ANK3: variants seen among roughly 807,000 people sequenced by gnomAD.
ANK3 encodes ankyrin 3.
A neutral mutation model predicts 370.9 loss-of-function variants in ANK3; 57 were observed. The observed-to-expected ratio is 0.15, with a 90% CI of 0.12 to 0.19. The LOEUF is 0.19. ANK3 is among the 10% of genes least tolerant of loss of function. The pLI is 1.00. For synonymous variants in ANK3, 1,929 were observed against 1,946.3 expected, an observed-to-expected ratio of 0.99 and a Z score of 0.23; for missense variants, 4,439 against 5,302.1, an observed-to-expected ratio of 0.84 and a Z score of 5.06.
chr10:60,198,699 G>A (rs147833323), intron 13 of ANK3, among the ~76,000 whole-genome samples, 162 bp from the exon 14 acceptor site: 1 of 152,306 alleles, frequency 6.6e-6, no homozygotes, highest in East Asian at 1.9e-4. Context: ...GCTCAGAAAT[G>A]AGGAGATGGT....
chr10:60,566,419 C>G (rs2077462302), intron 2 of ANK3, among the ~76,000 whole-genome samples: 2 of 152,196 alleles, frequency 1.3e-5, no homozygotes, highest in South Asian at 4.2e-4. Flanking sequence ...TGAGACAGAC[C>G]AAAAACTAGG....
intron 2 of ANK3, among the ~76,000 whole-genome samples, chr10:60,465,542 T>C (rs2064990134): frequency 6.6e-6 from 1 of 152,162 alleles, no homozygotes; most frequent in African/African-American, 2.4e-5. Flanking sequence ...GACATTCCTC[T>C]TGAAGAGTTT....
chr10:60,405,045 AAAC>A lies in ANK3; in HGVS notation c.97-125409_97-125407del, dbSNP rs1192272631. On this transcript the variant is annotated intron_variant, in intron 2 of 43. Transcript: ENST00000373827. Reference sequence around the variant, plus strand: ...AACACCAAATGTTGGCAAGGATGTAAAACAACCAGAACTCTAATACGTTGTGAG... The same window carrying A: ...AACACCAAATGTTGGCAAGGATGTAAAACCAGAACTCTAATACGTTGTGAG... Among the ~76,000 whole-genome samples, 3 of 152,298 alleles carry A rather than the reference AAAC, an allele frequency of 2.0e-5. No homozygotes were observed. In the East Asian group the frequency reaches 5.8e-4, roughly 29 times the overall value.
intron 2 of ANK3, among the ~76,000 whole-genome samples, chr10:60,574,349 C>G (rs1433241809): frequency 3.9e-5 from 6 of 152,128 alleles, no homozygotes; most frequent in Non-Finnish European, 7.3e-5. Flanking sequence ...GAGCTAATTT[C>G]TATTTGAGGT....
intron 2 of ANK3, chr10:60,507,957 GT>G (rs2075982860): frequency 6.6e-6 from 1 of 151,996 alleles, no homozygotes; most frequent in Non-Finnish European, 1.5e-5. Context: ...AGTAAATACA[GT>G]CTTCAAATAT....
chr10:60,727,195 C>G (rs1343431185), intron 1 of ANK3, among the ~76,000 whole-genome samples: 6 of 152,144 alleles, frequency 3.9e-5, no homozygotes, highest in African/African-American at 4.8e-5. Context: ...TTATTTGTCA[C>G]AGTCAAAAGT....
chr10:60,127,676 T>C (rs926743697), intron 25 of ANK3, among the ~76,000 whole-genome samples: 2 of 150,878 alleles, frequency 1.3e-5, no homozygotes, highest in African/African-American at 4.9e-5. Flanking sequence ...ATGCCTTCCA[T>C]GCCATAATTT....
At chr10:60,403,553 CTG>C (rs2063393962) in intron 2 of ANK3, among the ~76,000 whole-genome samples, 1 of 152,186 alleles carries the variant, frequency 6.6e-6, no homozygotes, top group Admixed American at 6.5e-5. Context: ...TCCTCTAAGA[CTG>C]ACAAAAGTAT....
chr10:60,476,353 G>T (rs948960187), intron 2 of ANK3, among the ~76,000 whole-genome samples: 2 of 152,024 alleles, frequency 1.3e-5, no homozygotes, highest in African/African-American at 4.8e-5. Context: ...TTGTATAGAG[G>T]ATAAACAATA....
At position 60,581,196 on chromosome 10, in the gene ANK3, C is replaced by T. The variant is rs551412978; in HGVS notation, c.96+33990G>A. ...GGACATTGTCCTACACTAAAAGTGT[C>T]ATTCTGTCTAAAAACTGAAGCCCCA... On this transcript the variant is annotated intron_variant, in intron 2 of 43. Transcript: ENST00000373827. 2.6e-5 allele frequency among the ~76,000 whole-genome samples: 4 copies of T among 152,262 alleles called. No homozygotes were observed. The South Asian group carries it at 8.3e-4, about 32-fold the overall frequency.
chr10:60,237,367 T>A (rs1214194182), intron 7 of ANK3, among the ~76,000 whole-genome samples: 1 of 152,160 alleles, frequency 6.6e-6, no homozygotes, highest in Non-Finnish European at 1.5e-5. Flanking sequence ...AAGTGGGACG[T>A]GACACGAAGA....
chr10:60,690,516 T>C (rs1486777574), intron 1 of ANK3, among the ~76,000 whole-genome samples: 2 of 152,146 alleles, frequency 1.3e-5, no homozygotes, highest in African/African-American at 4.8e-5. Context: ...TTCCCTAAGT[T>C]TTAGAAAACT....
intron 8 of ANK3, among the ~76,000 whole-genome samples, chr10:60,220,394 G>T (rs1465710521): frequency 1.3e-5 from 2 of 152,140 alleles, no homozygotes. Context: ...GGTCATGATG[G>T]GTAAGGGAAG....
chr10:60,395,642 CT>C, intron 2 of ANK3, among the ~76,000 whole-genome samples: 1 of 146,180 alleles, frequency 6.8e-6, no homozygotes, highest in African/African-American at 2.7e-5. Flanking sequence ...CTCTCTCTCT[CT>C]CTCTCTCTTT....
At chr10:60,278,209 T>C (rs2098117121) in intron 4 of ANK3, among the ~76,000 whole-genome samples, 1 of 152,166 alleles carries the variant, frequency 6.6e-6, no homozygotes, top group South Asian at 2.1e-4. Context: ...TTTAAAAAGA[T>C]TGAACCTAAG....
intron 2 of ANK3, among the ~76,000 whole-genome samples, chr10:60,582,774 G>T (rs757087833): frequency 2.6e-5 from 4 of 151,748 alleles, no homozygotes; most frequent in Non-Finnish European, 4.4e-5. Context: ...TTGTCTTTTT[G>T]TCTGTTGACT....
intron 1 of ANK3, among the ~76,000 whole-genome samples, chr10:60,648,903 C>G (rs888261650): frequency 2.0e-5 from 3 of 151,428 alleles, no homozygotes; most frequent in Non-Finnish European, 4.4e-5. Flanking sequence ...CCCCCAAAAC[C>G]AAGGAGAATC....
intron 21 of ANK3, among the ~76,000 whole-genome samples, chr10:60,169,756 A>C (rs1488429036): frequency 6.6e-6 from 1 of 152,198 alleles, no homozygotes. Context: ...ATTCATGGAT[A>C]GTTATTTTAC....
At chr10:60,102,487 C>T (rs560398596) in intron 28 of ANK3, among the ~76,000 whole-genome samples, 3 of 152,226 alleles carry the variant, frequency 2.0e-5, no homozygotes, top group East Asian at 3.9e-4. Context: ...AACGAGTAAG[C>T]GGTGGAGCCA....
Sources: allele counts gnomAD v4.1 joint callset (sites outside exome capture counted in the v4.1 genomes callset), GRCh38; gene constraint gnomAD v4.1.1; transcripts MANE v1.5; gene names NCBI Gene and HGNC (gene_info 2026-07-23, HGNC 2026-07-21).